FMNL3: variants seen among roughly 807,000 people sequenced by gnomAD.
FMNL3 encodes formin like 3, also known as formin-like protein 3.
Under a neutral mutation model 119.6 loss-of-function variants are expected in FMNL3, and 57 were observed. That is an observed-to-expected ratio of 0.48 (90% CI 0.39 to 0.59). The LOEUF is 0.59. Among genes scored for constraint, FMNL3 ranks in the 20% least tolerant of loss-of-function variants. The pLI is 0.00. For synonymous variants in FMNL3, 491 were observed against 507.3 expected (o/e 0.97, Z 0.43); for missense variants, 1,053 against 1,323.5 (o/e 0.80, Z 3.17).
At chr12:49,670,328 C>A (rs898557852) in intron 1 of FMNL3, among the ~76,000 whole-genome samples, 1 of 152,226 alleles carries the variant, frequency 6.6e-6, no homozygotes, top group African/African-American at 2.4e-5. Context: ...TTATTATAAA[C>A]ATAACTCAGA....
At chr12:49,678,448 A>G (rs931467550) in intron 1 of FMNL3, among the ~76,000 whole-genome samples, 1 of 151,510 alleles carries the variant, frequency 6.6e-6, no homozygotes, top group Admixed American at 6.6e-5. Flanking sequence ...GAGCCACCAC[A>G]CTCGGCATTA....
rs758360125 is a variant in FMNL3, at chr12:49,707,200, GGGCCTC to G, written c.-26_-21del. On this transcript the variant is annotated 5_prime_UTR_variant, in exon 1 of 26. Coordinates refer to ENST00000335154, the MANE Select transcript of FMNL3 (RefSeq NM_175736.5). Reference sequence around the variant, plus strand: ...GCCCATCGCGGCGGGGCCCCCTCAGGGGCCTCGGCCCCCCACCTCCACGCTCCGGAG... The same window carrying G: ...GCCCATCGCGGCGGGGCCCCCTCAGGGGCCCCCCACCTCCACGCTCCGGAG... 9.3e-6 allele frequency: 14 copies of G among 1,501,136 alleles called. No homozygotes were observed. The highest frequency in any genetic ancestry group is 1.2e-5 in the Non-Finnish European group (14 of 1,131,246). 93.0% of individuals were successfully genotyped at this position (1,501,136 alleles called of 1,614,324 possible).
rs781184237 is a variant in FMNL3, at chr12:49,642,603, C to A, written c.*3212G>T. 3.7e-6 allele frequency: 6 copies of A among 1,614,242 alleles called. No homozygotes were observed. Among genetic ancestry groups the A allele is most frequent in the Middle Eastern group, 1.6e-4 (1 of 6,062 alleles). On this transcript the variant is annotated 3_prime_UTR_variant, in exon 26 of 26. Transcript: ENST00000335154. This position sits in a 1 kb window ranked among gnomAD's most constrained non-coding sequence, Gnocchi z 5.8. ...AGGTCCGTGAGCGTTTTGTGTGTGA[C>A]TCAGCCTTTGAGCAGATCACCCTGG...
chr12:49,642,820 C>A lies in FMNL3; in HGVS notation c.*2995G>T. On this transcript the variant is annotated 3_prime_UTR_variant, in exon 26 of 26. Transcript: ENST00000335154. The surrounding 1 kb of genome is among the most constrained non-coding windows in gnomAD (Gnocchi z 5.8). ...GAGGCCTGAGGATCCCTGGGATAGG[C>A]AGAAGGCTCTAGTCTGAGAAAGGGA... is the stretch of plus-strand genomic sequence containing the variant. The A allele has an allele frequency of 1.4e-6, 2 of 1,431,208 alleles. No homozygotes were observed. Among genetic ancestry groups the A allele is most frequent in the Non-Finnish European group, 1.9e-6 (2 of 1,040,678 alleles). 88.7% of individuals were successfully genotyped at this position (1,431,208 alleles called of 1,614,324 possible). A position where few individuals can be genotyped will look rare whatever the true frequency, so the allele number is the denominator to read the frequency against.
chr12:49,696,041 T>C (rs551651459), intron 1 of FMNL3, among the ~76,000 whole-genome samples: 3 of 152,304 alleles, frequency 2.0e-5, no homozygotes, highest in African/African-American at 7.2e-5. Flanking sequence ...ACTGGGTTCC[T>C]GGGATTTGTG....
Position 49,638,704 on chromosome 12 carries a change from G to C in FMNL3, c.*7111C>G, listed in dbSNP as rs756220303. The C allele has an allele frequency of 6.6e-6, 1 of 152,246 alleles. No individual in the cohort carries two copies. The highest frequency in any genetic ancestry group is 1.5e-5 in the Non-Finnish European group (1 of 68,054). The allele number at this position is 152,246 out of a possible 1,614,324, so 9.4% of individuals were successfully genotyped here. A position where few individuals can be genotyped will look rare whatever the true frequency, so the allele number is the denominator to read the frequency against. On this transcript the variant is annotated 3_prime_UTR_variant, in exon 26 of 26. Coordinates refer to ENST00000335154, the MANE Select transcript of FMNL3 (RefSeq NM_175736.5). ...GTGGTTAGGAGCGGGACTGGAGGCA[G>C]ACTGCCTACAGTAAAAGTCTAGCTT...
At chr12:49,684,057 A>G (rs1447654210) in intron 1 of FMNL3, among the ~76,000 whole-genome samples, 1 of 152,124 alleles carries the variant, frequency 6.6e-6, no homozygotes, top group East Asian at 1.9e-4. Flanking sequence ...CTGCACTTAG[A>G]CAGCTTTATG....
In FMNL3 at chr12:49,658,163, G is replaced by A. The variant is rs906278031; in HGVS notation, c.605+279C>T. Reference sequence around the variant, plus strand: ...ACCCAGGAGGAATGGCAGAGTGAGAGGAATGAAGGGCTCCCCCAGAGAGGG... The same window carrying A: ...ACCCAGGAGGAATGGCAGAGTGAGAAGAATGAAGGGCTCCCCCAGAGAGGG... On this transcript the variant is annotated intron_variant, in intron 6 of 25. Transcript: ENST00000335154. Among the ~76,000 whole-genome samples the A allele has an allele frequency of 2.0e-4, 30 of 152,318 alleles. No individual in the cohort carries two copies. The East Asian group carries it at 4.4e-3, about 23-fold the overall frequency.
At chr12:49,703,278 G>C (rs536494858) in intron 1 of FMNL3, among the ~76,000 whole-genome samples, 1 of 152,324 alleles carries the variant, frequency 6.6e-6, no homozygotes, top group African/African-American at 2.4e-5. Context: ...GTACTGGCCA[G>C]AATACTAGCT....
intron 1 of FMNL3, among the ~76,000 whole-genome samples, chr12:49,698,526 A>C (rs972136910): frequency 1.8e-4 from 27 of 149,216 alleles, no homozygotes; most frequent in African/African-American, 5.9e-4. Flanking sequence ...CCCACCCCCA[A>C]AAAAAAAAAA....
chr12:49,657,386 C>A (rs989529482), intron 6 of FMNL3, among the ~76,000 whole-genome samples, 196 bp from the exon 7 acceptor site: 3 of 152,170 alleles, frequency 2.0e-5, no homozygotes, highest in East Asian at 1.9e-4. Context: ...CTTAAACAGG[C>A]CTTTGTCAGC....
In FMNL3 at chr12:49,649,071, T is replaced by C. The variant is rs746924135; in HGVS notation, c.2473A>G (p.Asn825Asp). ...ACAAAGTGCAGCTCATGCCAGAAGTTAGCCAGGTCTGGGTATTTCTCCTTC... is the reference window on the plus strand; with the variant it reads ...ACAAAGTGCAGCTCATGCCAGAAGTCAGCCAGGTCTGGGTATTTCTCCTTC... ...TVKEKYPDLA[N>D]FWHELHFVEK... Residue 825 changes from asparagine to aspartate, a missense_variant, in exon 21 of 26, where the codon AAC becomes GAC. Transcript: ENST00000335154. This position sits in a 1 kb window ranked among gnomAD's most constrained non-coding sequence, Gnocchi z 5.6. 9.3e-6 allele frequency: 15 copies of C among 1,612,446 alleles called. No individual in the cohort carries two copies. In the Admixed American group the frequency reaches 1.8e-4, roughly 20 times the overall value.
chr12:49,671,298 G>T (rs996519086), intron 1 of FMNL3, among the ~76,000 whole-genome samples: 1 of 152,254 alleles, frequency 6.6e-6, no homozygotes, highest in African/African-American at 2.4e-5. Flanking sequence ...TAGATCCCCA[G>T]GAAGGAATGA....
At chr12:49,705,251 A>G (rs1945016762) in intron 1 of FMNL3, among the ~76,000 whole-genome samples, 1 of 152,206 alleles carries the variant, frequency 6.6e-6, no homozygotes, top group Admixed American at 6.5e-5. Context: ...TTATACAGAA[A>G]GGAAGGCATG....
chr12:49,681,727 T>TC (rs1944340905), intron 1 of FMNL3, among the ~76,000 whole-genome samples: 2 of 151,738 alleles, frequency 1.3e-5, no homozygotes, highest in Non-Finnish European at 2.9e-5. Flanking sequence ...TGGCTAATTT[T>TC]TTTTTTTTTT....
chr12:49,646,119 A>G (rs1181941439), intron 25 of FMNL3, among the ~76,000 whole-genome samples: 6 of 152,100 alleles, frequency 3.9e-5, no homozygotes, highest in African/African-American at 1.4e-4. Flanking sequence ...GGGTGACTAG[A>G]GGCCACTGGG....
rs576859023 is a variant in FMNL3 at position 49,652,967 on chromosome 12, G to T, written c.1323+259C>A. Among the ~76,000 whole-genome samples the T allele has an allele frequency of 3.3e-5, 5 of 152,232 alleles. 1 individual carries two copies. The South Asian group carries it at 1.0e-3, about 32-fold the overall frequency. On this transcript the variant is annotated intron_variant, in intron 13 of 25. Transcript: ENST00000335154. The stretch of plus-strand genomic sequence containing the variant: ...GATGGGCTGGTAGGAGGAGGCCTGG[G>T]TTGGAACTCCAGAATGCTTGTGGGT...
At position 49,654,312 on chromosome 12, in the gene FMNL3, A is replaced by C; in HGVS notation, c.961-10T>G. The C allele has an allele frequency of 1.2e-6, 2 of 1,611,850 alleles. No homozygotes were observed. The highest frequency in any genetic ancestry group is 1.7e-6 in the Non-Finnish European group (2 of 1,178,094). ...ACTGCATGCAGGCCACCTGAAGAAGAGGAGGCCCAGAGAAGCAGCAACAGG... is the reference window on the plus strand; with the variant it reads ...ACTGCATGCAGGCCACCTGAAGAAGCGGAGGCCCAGAGAAGCAGCAACAGG... On this transcript the variant is annotated splice_polypyrimidine_tract_variant and intron_variant, in intron 10 of 25. Transcript: ENST00000335154.
In FMNL3 at chr12:49,653,735, T is replaced by C. The variant is rs201945079; in HGVS notation, c.1211A>G (p.His404Arg). The C allele has an allele frequency of 7.4e-6, 12 of 1,614,042 alleles. No homozygotes were observed. In the African/African-American group the frequency reaches 1.3e-4, roughly 18 times the overall value. ...ALEKVEELEE[H>R]VSHLTEKLLD... ...AGGAAGACCACCTACATGGGACACA[T>C]GCTCCTCCAACTCCTCCACCTTCTC... The change falls in exon 12 of 26, where the codon CAT becomes CGT. Residue 404 changes from histidine to arginine, a missense_variant. By Grantham distance (29) the His-to-Arg change is conservative. Coordinates refer to ENST00000335154, the MANE Select transcript of FMNL3 (RefSeq NM_175736.5).
Sources: allele counts gnomAD v4.1 joint callset (sites outside exome capture counted in the v4.1 genomes callset), GRCh38; gene constraint gnomAD v4.1.1; non-coding constraint Gnocchi (gnomAD v3.1); transcripts MANE v1.5; gene names NCBI Gene and HGNC (gene_info 2026-07-23, HGNC 2026-07-21).